Variants in CADPS observed in about 807,000 individuals in gnomAD.
CADPS encodes the protein calcium-dependent secretion activator 1.
CADPS carries 57 observed loss-of-function variants against 167.3 expected under a neutral mutation model. That is an observed-to-expected ratio of 0.34 (90% CI 0.28 to 0.42). The LOEUF is 0.42. Ranked by LOEUF, CADPS falls within the 20% of genes least tolerant of loss-of-function variation. The pLI is 1.00. For missense variants in CADPS, 1,414 were observed against 1,738.1 expected (o/e 0.81, Z 3.32); for synonymous variants, 676 against 635.3 (o/e 1.06, Z -0.96).
At chr3:62,474,803 T>C (rs1319266753) in intron 23 of CADPS, among the ~76,000 whole-genome samples, 2 of 152,190 alleles carry the variant, frequency 1.3e-5, no homozygotes, top group African/African-American at 4.8e-5. Context: ...ATTTTCCCCT[T>C]TCTGGTTTTG....
At chr3:62,654,139 T>C (rs1397270433) in intron 4 of CADPS, among the ~76,000 whole-genome samples, 1 of 152,190 alleles carries the variant, frequency 6.6e-6, no homozygotes, top group Non-Finnish European at 1.5e-5. Context: ...TTGGATTTCT[T>C]TTATGAAAAA....
intron 3 of CADPS, among the ~76,000 whole-genome samples, chr3:62,690,975 T>C (rs967898006): frequency 6.6e-6 from 1 of 151,998 alleles, no homozygotes; most frequent in African/African-American, 2.4e-5. Flanking sequence ...ATTTAGACAA[T>C]AGAATATTAT....
At chr3:62,646,703 C>G (rs2068673106) in intron 5 of CADPS, among the ~76,000 whole-genome samples, 1 of 152,188 alleles carries the variant, frequency 6.6e-6, no homozygotes, top group South Asian at 2.1e-4. Context: ...CAGTTACAAC[C>G]CGTTGTTGCC....
At chr3:62,829,567 T>C (rs2074689775) in intron 1 of CADPS, among the ~76,000 whole-genome samples, 2 of 152,112 alleles carry the variant, frequency 1.3e-5, no homozygotes, top group East Asian at 1.9e-4. Flanking sequence ...CGCACAGCAT[T>C]TGTCTACCTA....
chr3:62,837,525 C>T (rs756328884), intron 1 of CADPS, among the ~76,000 whole-genome samples: 10 of 152,190 alleles, frequency 6.6e-5, no homozygotes, highest in Non-Finnish European at 1.5e-4. Context: ...TGGTGAATGG[C>T]CCCTGATTCA....
intron 4 of CADPS, among the ~76,000 whole-genome samples, chr3:62,659,874 AG>A (rs1344834102): frequency 6.6e-6 from 1 of 152,228 alleles, no homozygotes; most frequent in Non-Finnish European, 1.5e-5. Context: ...GAGACAGTAG[AG>A]GGCACTCTAT....
chr3:62,408,485 G>A (rs76284581), intron 28 of CADPS, among the ~76,000 whole-genome samples: 6,516 of 152,208 alleles, frequency 0.043, 216 homozygotes, highest in South Asian at 0.057. Flanking sequence ...CCCCCTGGAA[G>A]GGATTAGGCT....
chr3:62,427,373 A>G (rs2052967480), intron 28 of CADPS, among the ~76,000 whole-genome samples: 2 of 152,204 alleles, frequency 1.3e-5, no homozygotes, highest in Non-Finnish European at 2.9e-5. Flanking sequence ...CCCACAGATC[A>G]TGCTCATGAT....
intron 8 of CADPS, among the ~76,000 whole-genome samples, chr3:62,572,757 C>T (rs1261510765): frequency 2.6e-5 from 4 of 152,316 alleles, no homozygotes; most frequent in Middle Eastern, 3.4e-3. Context: ...ACTTGTCCCT[C>T]AGTATCTACA....
chr3:62,662,191 T>G, intron 4 of CADPS, 123 bp downstream of exon 4: 1 of 831,692 alleles, frequency 1.2e-6, no homozygotes, highest in Non-Finnish European at 2.0e-6. Context: ...ATGAGGGTGA[T>G]TGTCCTCATC....
intron 3 of CADPS, among the ~76,000 whole-genome samples, chr3:62,751,608 A>G (rs1320978697): frequency 6.6e-6 from 1 of 152,040 alleles, no homozygotes; most frequent in Middle Eastern, 3.2e-3. Flanking sequence ...TTTTTAGTAG[A>G]GACAGTTTCA....
intron 9 of CADPS, among the ~76,000 whole-genome samples, chr3:62,558,752 G>A (rs545617547): frequency 2.0e-5 from 3 of 152,274 alleles, no homozygotes; most frequent in Non-Finnish European, 4.4e-5. Context: ...GCTGCCCTCT[G>A]TTGGCTCCTG....
rs529284690 is a variant in CADPS at position 62,448,399 on chromosome 3, G to A, written c.3637-2602C>T. On this transcript the variant is annotated intron_variant, in intron 26 of 29. Transcript: ENST00000383710. ...TTTACAGGCAGTTTGGGAAGATGAG[G>A]CAAGTTTCTGTCACAAATGAAAATC... 1.3e-4 allele frequency among the ~76,000 whole-genome samples: 20 copies of A among 152,156 alleles called. No individual in the cohort carries two copies. The South Asian group carries it at 3.9e-3, about 30-fold the overall frequency.
intron 6 of CADPS, among the ~76,000 whole-genome samples, chr3:62,606,386 G>A (rs1245312171): frequency 6.6e-6 from 1 of 152,070 alleles, no homozygotes; most frequent in African/African-American, 2.4e-5. Flanking sequence ...TCAAAGAACT[G>A]AGACTTGTGG....
At chr3:62,605,106 C>T (rs1236191928) in intron 6 of CADPS, among the ~76,000 whole-genome samples, 2 of 152,186 alleles carry the variant, frequency 1.3e-5, no homozygotes, top group Non-Finnish European at 2.9e-5. Flanking sequence ...CTCCAGAAGA[C>T]TCAAAAGTTT....
At chr3:62,607,187 T>C (rs962334946) in intron 6 of CADPS, among the ~76,000 whole-genome samples, 1 of 152,206 alleles carries the variant, frequency 6.6e-6, no homozygotes. Flanking sequence ...ATAAAGTCCA[T>C]GGCAGTCACT....
intron 6 of CADPS, among the ~76,000 whole-genome samples, chr3:62,631,948 A>T (rs972594640): frequency 1.3e-5 from 2 of 152,200 alleles, no homozygotes; most frequent in African/African-American, 4.8e-5. Context: ...GATGTGATGT[A>T]TTCACTAAAA....
chr3:62,872,070 C>T (rs1265627017), intron 1 of CADPS, among the ~76,000 whole-genome samples: 9 of 152,008 alleles, frequency 5.9e-5, no homozygotes, highest in Non-Finnish European at 8.8e-5. Context: ...TCATAGATCT[C>T]GTTCTCTCTC....
intron 3 of CADPS, among the ~76,000 whole-genome samples, chr3:62,664,389 A>G (rs973341876): frequency 2.0e-5 from 3 of 152,232 alleles, no homozygotes; most frequent in African/African-American, 7.2e-5. Context: ...ACTCTCTTCT[A>G]AACAAACGTA....
Sources: allele counts gnomAD v4.1 joint callset (sites outside exome capture counted in the v4.1 genomes callset), GRCh38; gene constraint gnomAD v4.1.1; transcripts MANE v1.5; gene names NCBI Gene and HGNC (gene_info 2026-07-23, HGNC 2026-07-21).